SLC4A8: variants seen among roughly 807,000 people sequenced by gnomAD.
The protein encoded by SLC4A8 is electroneutral sodium bicarbonate exchanger 1.
SLC4A8 carries 40 observed loss-of-function variants against 125.0 expected under a neutral mutation model. That is an observed-to-expected ratio of 0.32 (90% CI 0.25 to 0.42). The LOEUF (loss-of-function observed/expected upper bound fraction) is 0.42. SLC4A8 is among the 10% of genes least tolerant of loss of function. The probability of loss-of-function intolerance (pLI) is 1.00; values close to 1 mark genes in which losing one functional copy is unlikely to be tolerated. For missense variants in SLC4A8, 863 were observed against 1,355.1 expected (o/e 0.64, Z 5.70); for synonymous variants, 456 against 476.0 (o/e 0.96, Z 0.55).
intron 2 of SLC4A8, among the ~76,000 whole-genome samples, chr12:51,442,925 C>T (rs1377719133): frequency 6.6e-6 from 1 of 152,116 alleles, no homozygotes; most frequent in Non-Finnish European, 1.5e-5. Flanking sequence ...TGATGGAACA[C>T]AGAAGCAAAT....
intron 1 of SLC4A8, among the ~76,000 whole-genome samples, chr12:51,413,813 G>T (rs533881429): frequency 2.6e-5 from 4 of 152,114 alleles, no homozygotes; most frequent in Non-Finnish European, 5.9e-5. Flanking sequence ...TGCTGGTTTT[G>T]CTTATTCTAG....
At chr12:51,471,759 A>C (rs912919651) in intron 14 of SLC4A8, among the ~76,000 whole-genome samples, 2 of 152,232 alleles carry the variant, frequency 1.3e-5, no homozygotes, top group African/African-American at 4.8e-5. Flanking sequence ...GGGACTCAAG[A>C]AATGCTTTCC....
At chr12:51,501,021 G>A (rs992184012) in intron 22 of SLC4A8, among the ~76,000 whole-genome samples, 5 of 152,074 alleles carry the variant, frequency 3.3e-5, no homozygotes, top group Non-Finnish European at 5.9e-5. Flanking sequence ...AGTAGAGACC[G>A]GGTTTCACGG....
intron 8 of SLC4A8, among the ~76,000 whole-genome samples, chr12:51,460,941 A>G (rs1950306968): frequency 6.6e-6 from 1 of 152,212 alleles, no homozygotes; most frequent in Admixed American, 6.5e-5. Flanking sequence ...TTCTACAGCT[A>G]GGAATTGTGT....
intron 16 of SLC4A8, among the ~76,000 whole-genome samples, chr12:51,479,168 C>T (rs1463129804): frequency 6.6e-6 from 1 of 152,086 alleles, no homozygotes; most frequent in African/African-American, 2.4e-5. Flanking sequence ...TAAAGTGTGC[C>T]TATTGGTATT....
intron 16 of SLC4A8, among the ~76,000 whole-genome samples, chr12:51,475,689 G>T (rs977710677): frequency 2.0e-5 from 3 of 152,158 alleles, no homozygotes; most frequent in Admixed American, 6.5e-5. Flanking sequence ...GACTTAGTTT[G>T]TATGACTGTT....
intron 2 of SLC4A8, among the ~76,000 whole-genome samples, chr12:51,448,341 C>T (rs1211770310): frequency 1.3e-5 from 2 of 152,094 alleles, no homozygotes; most frequent in South Asian, 2.1e-4. Context: ...AGGTAACGCT[C>T]GGTTTCAAGC....
At chr12:51,445,607 T>G (rs1949749582) in intron 2 of SLC4A8, among the ~76,000 whole-genome samples, 2 of 152,126 alleles carry the variant, frequency 1.3e-5, no homozygotes, top group African/African-American at 4.8e-5. Flanking sequence ...GCCATCCTTT[T>G]GCCCCAGAAC....
At chr12:51,454,122 C>A (rs1331843895) in intron 5 of SLC4A8, among the ~76,000 whole-genome samples, 1 of 152,138 alleles carries the variant, frequency 6.6e-6, no homozygotes, top group Non-Finnish European at 1.5e-5. Context: ...CATGGTGAAA[C>A]CCTGTCTCTA....
chr12:51,398,922 G>A (rs202064393), intron 1 of SLC4A8, among the ~76,000 whole-genome samples: 2 of 152,164 alleles, frequency 1.3e-5, no homozygotes, highest in East Asian at 3.9e-4. Context: ...ACTAATTTTT[G>A]TATTTTTGTA....
chr12:51,400,757 TATATATATATATATATATATACATAC>T (rs1252608373), intron 1 of SLC4A8, among the ~76,000 whole-genome samples: 2,275 of 7,346 alleles, frequency 0.31, 326 homozygotes, highest in Non-Finnish European at 0.35. Flanking sequence ...TATATATATA[TATATATATATATATATATATACATAC>T]ATACACACAC....
chr12:51,425,433 T>C (rs1227767971), intron 1 of SLC4A8: 9 of 1,019,446 alleles, frequency 8.8e-6, no homozygotes, highest in African/African-American at 1.7e-5. Context: ...CGTCTTCTCT[T>C]TGTGTTTTTA....
chr12:51,499,111 G>A (rs954009579), intron 22 of SLC4A8, among the ~76,000 whole-genome samples: 21 of 151,992 alleles, frequency 1.4e-4, no homozygotes, highest in African/African-American at 4.8e-4. Flanking sequence ...AACCCGGGAG[G>A]CAGAGGTTGT....
At chr12:51,408,911 T>G (rs2137961055) in intron 1 of SLC4A8, among the ~76,000 whole-genome samples, 1 of 152,280 alleles carries the variant, frequency 6.6e-6, no homozygotes, top group African/African-American at 2.4e-5. Flanking sequence ...CTTGTTTTTG[T>G]TTTTCAGAGT....
intron 1 of SLC4A8, among the ~76,000 whole-genome samples, chr12:51,434,341 A>C (rs1464777486): frequency 5.3e-5 from 8 of 152,220 alleles, no homozygotes; most frequent in Admixed American, 5.2e-4. Context: ...GTTTCCTAAT[A>C]TAATCAAATT....
At chr12:51,483,620 T>TG (rs398116448) in intron 16 of SLC4A8, among the ~76,000 whole-genome samples, 1 of 152,096 alleles carries the variant, frequency 6.6e-6, no homozygotes, top group East Asian at 1.9e-4. Context: ...GCATTTTTTT[T>TG]GCCATTATTT....
At position 51,507,688 on chromosome 12, in the gene SLC4A8, C is replaced by T. The variant is rs1938230495; in HGVS notation, c.*250C>T. The stretch of plus-strand genomic sequence containing the variant: ...AAGACCACCTCCTGTTGGTTCTTCT[C>T]CTCTTCCTTCTTTTTCTCTTTAGAA... On this transcript the variant is annotated 3_prime_UTR_variant, in exon 25 of 25. Transcript: ENST00000453097. The T allele has an allele frequency of 5.4e-6, 2 of 369,224 alleles. No individual in the cohort carries two copies. The highest frequency in any genetic ancestry group is 9.7e-6 in the Non-Finnish European group (2 of 205,238). 22.9% of individuals were successfully genotyped at this position (369,224 alleles called of 1,614,324 possible).
intron 10 of SLC4A8, chr12:51,462,670 A>T (rs1430680338): frequency 6.1e-6 from 2 of 326,514 alleles, no homozygotes; most frequent in Non-Finnish European, 1.1e-5. Context: ...AGGCAGGTAG[A>T]TCACCTGAGG....
intron 14 of SLC4A8, among the ~76,000 whole-genome samples, chr12:51,473,857 G>A (rs1353470382): frequency 3.3e-5 from 5 of 152,312 alleles, no homozygotes; most frequent in East Asian, 3.9e-4. Flanking sequence ...CTTACATCAC[G>A]ATTCCAGGAG....
Sources: gnomAD v4.1 joint callset for allele counts (sites outside exome capture counted in the v4.1 genomes callset) on GRCh38, gnomAD v4.1.1 for gene constraint, MANE v1.5 for transcripts, NCBI Gene and HGNC (gene_info 2026-07-23, HGNC 2026-07-21) for gene names.